The following DAP3 variants were observed in gnomAD, a reference collection of about 807,000 sequenced individuals.
DAP3 encodes the protein death associated protein 3.
A neutral mutation model predicts 51.9 loss-of-function variants in DAP3; 28 were observed. The observed-to-expected ratio is 0.54, with a 90% CI of 0.40 to 0.74. DAP3 has a LOEUF of 0.74. DAP3 is among the 30% of genes least tolerant of loss of function. The probability of loss-of-function intolerance (pLI) is 0.00; values close to 1 mark genes in which losing one functional copy is unlikely to be tolerated. For synonymous variants in DAP3, 170 were observed against 170.3 expected (o/e 1.00, Z 0.01); for missense variants, 458 against 483.5 (o/e 0.95, Z 0.49).
intron 2 of DAP3, 188 bp downstream of exon 2, chr1:155,710,012 ATAAG>A (rs1192782601): frequency 6.2e-6 from 3 of 487,298 alleles, no homozygotes; most frequent in Admixed American, 3.5e-5. Flanking sequence ...TCCAGAAAAC[ATAAG>A]TAAGTTTGAC....
chr1:155,721,629 C>T lies in DAP3; in HGVS notation c.270+11C>T. The T allele has an allele frequency of 6.2e-7, 1 of 1,613,642 alleles. No homozygotes were observed. The highest frequency in any genetic ancestry group is 8.5e-7 in the Non-Finnish European group (1 of 1,179,706). ...CGCTTTGTGATGCAGGTGCTCAAGACAGGGAATGGAATTGGAGGGAGCCCA... is the reference window on the plus strand; with the variant it reads ...CGCTTTGTGATGCAGGTGCTCAAGATAGGGAATGGAATTGGAGGGAGCCCA... On this transcript the variant is annotated intron_variant, in intron 4 of 12. Coordinates refer to ENST00000368336, the MANE Select transcript of DAP3 (RefSeq NM_004632.4).
At chr1:155,688,803 C>A, upstream of DAP3, 1 of 1,553,534 alleles carries the variant, frequency 6.4e-7, no homozygotes, top group East Asian at 2.4e-5. Flanking sequence ...TCCCACAGTC[C>A]CCACCGCGGG....
intron 7 of DAP3, 147 bp from the exon 8 acceptor site, chr1:155,728,895 C>T (rs1182242719): frequency 9.1e-6 from 6 of 662,442 alleles, no homozygotes; most frequent in Non-Finnish European, 1.5e-5. Flanking sequence ...AAAGCATTCA[C>T]TTCTACATTG....
At chr1:155,692,083 CG>C (rs1411804787) in intron 1 of DAP3, among the ~76,000 whole-genome samples, 1 of 141,780 alleles carries the variant, frequency 7.1e-6, no homozygotes, top group East Asian at 1.9e-4. Context: ...GTAGCAGTGG[CG>C]GTTTAAGTGA....
At position 155,734,456 on chromosome 1, in the gene DAP3, C is replaced by T. The variant is rs112223558; in HGVS notation, c.993+2423C>T. On this transcript the variant is annotated intron_variant, in intron 11 of 12. Coordinates refer to ENST00000368336, the MANE Select transcript of DAP3 (RefSeq NM_004632.4). ...CCTCCTAAAGTGCTGGGATTACTGGCGTGAGCCACCATATCCAGCTCCTAT... is the reference window on the plus strand; with the variant it reads ...CCTCCTAAAGTGCTGGGATTACTGGTGTGAGCCACCATATCCAGCTCCTAT... Among the ~76,000 whole-genome samples, 856 of 152,184 alleles carry T rather than the reference C, an allele frequency of 5.6e-3. 7 individuals are homozygous for T. The highest frequency in any genetic ancestry group is 0.019 in the African/African-American group (807 of 41,546).
rs1324014436 is a variant in DAP3 at position 155,736,600 on chromosome 1, C to T, written c.994-346C>T. 3.4e-5 allele frequency: 9 copies of T among 264,352 alleles called. No individual in the cohort carries two copies. The Admixed American group carries it at 4.2e-4, about 12-fold the overall frequency. 16.4% of individuals were successfully genotyped at this position (264,352 alleles called of 1,614,324 possible). A position where few individuals can be genotyped will look rare whatever the true frequency, so the allele number is the denominator to read the frequency against. On this transcript the variant is annotated intron_variant, in intron 11 of 12. Coordinates refer to ENST00000368336, the MANE Select transcript of DAP3 (RefSeq NM_004632.4). ...CCTGGCTAATTTTTGTATTTTCTGT[C>T]GAGACAGGGTTTTACCACATGGCCC...
chr1:155,717,198 G>C, intron 3 of DAP3, 70 bp downstream of exon 3: 1 of 1,575,602 alleles, frequency 6.3e-7, no homozygotes, highest in Non-Finnish European at 8.6e-7. Context: ...ATTTTGCATA[G>C]GAAAACTGAA....
At chr1:155,738,027 A>G in intron 12 of DAP3, 130 bp from the exon 13 acceptor site, 1 of 819,480 alleles carries the variant, frequency 1.2e-6, no homozygotes, top group Non-Finnish European at 1.9e-6. Flanking sequence ...TCTAGAAGTA[A>G]GATCTCTTGG....
At chr1:155,731,564 G>A in intron 10 of DAP3, 149 bp downstream of exon 10, 1 of 751,482 alleles carries the variant, frequency 1.3e-6, no homozygotes, top group Non-Finnish European at 2.1e-6. Flanking sequence ...TCTGTACCAA[G>A]TTAGAAATAA....
chr1:155,727,780 A>G (rs1225448362), intron 7 of DAP3, 42 bp downstream of exon 7: 1 of 1,601,990 alleles, frequency 6.2e-7, no homozygotes, highest in Admixed American at 1.7e-5. Context: ...TAGTCCTTAC[A>G]TGGATTCTTT....
intron 1 of DAP3, among the ~76,000 whole-genome samples, chr1:155,698,771 C>T (rs1238039676): frequency 6.6e-6 from 1 of 152,208 alleles, no homozygotes; most frequent in Non-Finnish European, 1.5e-5. Flanking sequence ...CACTACGCTT[C>T]AAGAGCTGCC....
At chr1:155,713,341 G>A (rs576306318) in intron 2 of DAP3, among the ~76,000 whole-genome samples, 1 of 152,346 alleles carries the variant, frequency 6.6e-6, no homozygotes, top group Admixed American at 6.5e-5. Flanking sequence ...TGCTTCAGCT[G>A]TAATTTACAG....
At chr1:155,688,434 A>G (rs564498010), upstream of DAP3, 21 of 1,547,356 alleles carry the variant, frequency 1.4e-5, no homozygotes, top group South Asian at 2.5e-4. Context: ...GTTCTTCCCC[A>G]CGGTCCCCCG....
intron 6 of DAP3, among the ~76,000 whole-genome samples, chr1:155,726,630 G>A (rs962437785): frequency 2.6e-5 from 4 of 151,796 alleles, no homozygotes; most frequent in African/African-American, 9.7e-5. Context: ...ATAGCTAAAG[G>A]AAAAGCCTTT....
intron 1 of DAP3, among the ~76,000 whole-genome samples, chr1:155,696,680 T>G (rs1459125026): frequency 1.3e-5 from 2 of 152,276 alleles, no homozygotes; most frequent in Non-Finnish European, 2.9e-5. Context: ...TAATGAATGA[T>G]GTAACAATCT....
chr1:155,688,014 A>G, upstream of DAP3: 1 of 1,509,840 alleles, frequency 6.6e-7, no homozygotes, highest in African/African-American at 1.4e-5. Context: ...AAAGCCCAGG[A>G]TTCAATCGCT....
chr1:155,709,681 T>C, intron 1 of DAP3, 92 bp from the exon 2 acceptor site: 1 of 1,025,340 alleles, frequency 9.8e-7, no homozygotes, highest in East Asian at 2.5e-5. Context: ...TATAGATTAT[T>C]AATCCCTATT....
At chr1:155,724,747 G>A (rs180724150) in intron 4 of DAP3, among the ~76,000 whole-genome samples, 89 of 150,504 alleles carry the variant, frequency 5.9e-4, no homozygotes, top group African/African-American at 1.7e-3. Context: ...ACCTGAGGTC[G>A]GGAGTTTGAG....
rs1259275986 is a variant in DAP3, at chr1:155,729,352, G to C, written c.829G>C (p.Glu277Gln). ...TTGGGGAAGAACCACTCTGAAAAGA[G>C]AAGATAAAAGCCCGGTAGGAAAACT... ...ALWGRTTLKR[E>Q]DKSPIAPEEL... The change falls in exon 9 of 13, where the codon GAA becomes CAA. Residue 277 changes from glutamate to glutamine, a missense_variant. Transcript: ENST00000368336. The C allele has an allele frequency of 1.2e-6, 2 of 1,613,680 alleles. No individual in the cohort carries two copies. Among genetic ancestry groups the C allele is most frequent in the South Asian group, 1.1e-5 (1 of 91,038 alleles).
Sources: gnomAD v4.1 joint callset for allele counts (sites outside exome capture counted in the v4.1 genomes callset) on GRCh38, gnomAD v4.1.1 for gene constraint, MANE v1.5 for transcripts, NCBI Gene and HGNC (gene_info 2026-07-23, HGNC 2026-07-21) for gene names.